SIN3A: variants seen among roughly 807,000 people sequenced by gnomAD.
SIN3A encodes the protein SIN3 transcription regulator family member A, also known as paired amphipathic helix protein Sin3a.
Under a neutral mutation model 146.1 loss-of-function variants are expected in SIN3A, and 14 were observed. That is an observed-to-expected ratio of 0.10 (90% CI 0.06 to 0.15). SIN3A has a LOEUF of 0.15. Among genes scored for constraint, SIN3A ranks in the 10% least tolerant of loss-of-function variants. The probability of loss-of-function intolerance (pLI) is 1.00; values close to 1 mark genes in which losing one functional copy is unlikely to be tolerated. For synonymous variants in SIN3A, 572 were observed against 572.0 expected (o/e 1.00, Z 0.00); for missense variants, 1,028 against 1,576.0 (o/e 0.65, Z 5.89).
At chr15:75,396,185 G>A in intron 13 of SIN3A, 73 bp downstream of exon 13, 1 of 1,076,654 alleles carries the variant, frequency 9.3e-7, no homozygotes. Flanking sequence ...TTGAAAATGA[G>A]AGCCTTATTT....
At chr15:75,380,832 T>A in intron 18 of SIN3A, 109 bp from the exon 19 acceptor site, 1 of 752,358 alleles carries the variant, frequency 1.3e-6, no homozygotes, top group South Asian at 1.5e-5. Context: ...ATTCATAAAT[T>A]TCAAGATCAA....
chr15:75,431,896 C>T (rs921621676), intron 1 of SIN3A, among the ~76,000 whole-genome samples: 2 of 152,174 alleles, frequency 1.3e-5, no homozygotes, highest in Non-Finnish European at 2.9e-5. Flanking sequence ...AGCAGCACAA[C>T]CCATTAATTT....
intron 3 of SIN3A, chr15:75,416,013 C>A: frequency 3.1e-6 from 1 of 326,038 alleles, no homozygotes; most frequent in South Asian, 3.2e-5. Context: ...GCTAGAGATG[C>A]CAAGTGAAAC....
chr15:75,418,587 T>C (rs1213610503), intron 3 of SIN3A, among the ~76,000 whole-genome samples: 1 of 152,176 alleles, frequency 6.6e-6, no homozygotes, highest in East Asian at 1.9e-4. Context: ...CCCAAAGTGC[T>C]GGGATTATAG....
At chr15:75,433,765 T>A (rs1459383179) in intron 1 of SIN3A, among the ~76,000 whole-genome samples, 2 of 151,912 alleles carry the variant, frequency 1.3e-5, no homozygotes, top group Non-Finnish European at 2.9e-5. Context: ...GCCGAGATCA[T>A]GCCACTGCAC....
intron 1 of SIN3A, among the ~76,000 whole-genome samples, chr15:75,434,504 G>C (rs934429525): frequency 2.0e-5 from 3 of 152,038 alleles, no homozygotes; most frequent in Non-Finnish European, 4.4e-5. Context: ...ACAAAAATTA[G>C]CCGGGTGTGG....
chr15:75,427,554 G>A (rs1215990891), intron 2 of SIN3A, among the ~76,000 whole-genome samples: 4 of 151,890 alleles, frequency 2.6e-5, no homozygotes, highest in Admixed American at 2.0e-4. Flanking sequence ...CAGCTACTCG[G>A]GAGGCTGAGG....
At chr15:75,384,066 C>G in intron 17 of SIN3A, 198 bp downstream of exon 17, 2 of 310,904 alleles carry the variant, frequency 6.4e-6, no homozygotes, top group East Asian at 5.3e-5. Flanking sequence ...TTTTTTTTTT[C>G]TTTAAAGGCA....
intron 18 of SIN3A, 199 bp from the exon 19 acceptor site, chr15:75,380,922 C>T: frequency 1.9e-6 from 1 of 519,448 alleles, no homozygotes; most frequent in Non-Finnish European, 3.5e-6. Context: ...AGCAATACTG[C>T]TAAGTTTCTG....
intron 16 of SIN3A, among the ~76,000 whole-genome samples, chr15:75,388,007 T>A (rs1299203625): frequency 6.6e-6 from 1 of 152,140 alleles, no homozygotes; most frequent in African/African-American, 2.4e-5. Context: ...GGGCTCTTCC[T>A]CAATCCTGTG....
chr15:75,421,140 C>G (rs1595914197), intron 3 of SIN3A: 1 of 152,236 alleles, frequency 6.6e-6, no homozygotes, highest in East Asian at 1.9e-4. Flanking sequence ...TATTTTGCAA[C>G]ATTAAAGTAT....
At chr15:75,386,141 T>C (rs1299737497) in intron 16 of SIN3A, among the ~76,000 whole-genome samples, 1 of 152,060 alleles carries the variant, frequency 6.6e-6, no homozygotes, top group East Asian at 1.9e-4. Context: ...CTCCCATACC[T>C]CAGCCTCTTA....
intron 9 of SIN3A, among the ~76,000 whole-genome samples, chr15:75,403,602 G>A (rs947684563): frequency 2.7e-5 from 4 of 149,538 alleles, no homozygotes; most frequent in African/African-American, 7.4e-5. Flanking sequence ...GTGCAATGGC[G>A]CGATCTCAGC....
At chr15:75,402,037 C>T (rs570911985) in intron 9 of SIN3A, 67 bp from the exon 10 acceptor site, 25 of 986,398 alleles carry the variant, frequency 2.5e-5, no homozygotes, top group South Asian at 5.4e-5. Context: ...AAAAGGGCCT[C>T]GCTCTGTCGC....
At position 75,384,253 on chromosome 15, in the gene SIN3A, C is replaced by T. The variant is rs763811873; in HGVS notation, c.3195+11G>A. Reference sequence around the variant, plus strand: ...ACCAGCAAGGTCTTCGACTACCTGACCAACTCTCACCTTAAAGCAATTCTC... The same window carrying T: ...ACCAGCAAGGTCTTCGACTACCTGATCAACTCTCACCTTAAAGCAATTCTC... On this transcript the variant is annotated intron_variant, in intron 17 of 20. Transcript: ENST00000394947. 6.3e-7 allele frequency: 1 copy of T among 1,594,732 alleles called. No individual in the cohort carries two copies. Among genetic ancestry groups the T allele is most frequent in the South Asian group, 1.1e-5 (1 of 89,034 alleles).
intron 1 of SIN3A, among the ~76,000 whole-genome samples, chr15:75,442,432 CAAG>C (rs1184381944): frequency 6.6e-6 from 1 of 151,066 alleles, no homozygotes; most frequent in Admixed American, 6.6e-5. Context: ...CTCAGCCTCC[CAAG>C]AAGGTGGGAT....
intron 19 of SIN3A, among the ~76,000 whole-genome samples, chr15:75,379,018 G>T (rs541545298): frequency 6.6e-6 from 1 of 151,932 alleles, no homozygotes; most frequent in Non-Finnish European, 1.5e-5. Context: ...TCCTGCCTCA[G>T]CCTCCCGAGT....
chr15:75,437,634 G>A (rs1414765985), intron 1 of SIN3A, among the ~76,000 whole-genome samples: 1 of 152,182 alleles, frequency 6.6e-6, no homozygotes, highest in Non-Finnish European at 1.5e-5. Context: ...GAGGGGTACA[G>A]TGTAATTCTA....
At chr15:75,436,552 C>T (rs2074111212) in intron 1 of SIN3A, 1 of 152,122 alleles carries the variant, frequency 6.6e-6, no homozygotes, top group East Asian at 1.9e-4. Context: ...TTTTGAAATA[C>T]ATCAAAAAAT....
Sources: allele counts gnomAD v4.1 joint callset (sites outside exome capture counted in the v4.1 genomes callset), GRCh38; gene constraint gnomAD v4.1.1; transcripts MANE v1.5; gene names NCBI Gene and HGNC (gene_info 2026-07-23, HGNC 2026-07-21).